MYRIP: variants seen among roughly 807,000 people sequenced by gnomAD.
MYRIP encodes the protein rab effector MyRIP.
MYRIP carries 49 observed loss-of-function variants against 98.0 expected under a neutral mutation model. The ratio of observed to expected loss-of-function variants is 0.50; its 90% CI spans 0.40 to 0.63. The LOEUF is 0.63. Ranked by LOEUF, MYRIP falls within the 30% of genes least tolerant of loss-of-function variation. The probability of loss-of-function intolerance (pLI) is 0.00; values close to 1 mark genes in which losing one functional copy is unlikely to be tolerated. For missense variants in MYRIP, 1,004 were observed against 1,058.2 expected (o/e 0.95, Z 0.71); for synonymous variants, 404 against 409.5 (o/e 0.99, Z 0.16).
chr3:40,028,408 T>C (rs1039800105), intron 2 of MYRIP, among the ~76,000 whole-genome samples: 1 of 152,214 alleles, frequency 6.6e-6, no homozygotes, highest in African/African-American at 2.4e-5. Flanking sequence ...TGAGCATTAT[T>C]GCCCAGACGC....
intron 5 of MYRIP, among the ~76,000 whole-genome samples, chr3:40,164,356 G>A (rs1188509025): frequency 3.3e-5 from 5 of 152,078 alleles, no homozygotes; most frequent in African/African-American, 9.7e-5. Flanking sequence ...TCCTTTCAGG[G>A]GACTGGCAAG....
intron 2 of MYRIP, among the ~76,000 whole-genome samples, chr3:39,947,252 A>C (rs1944923763): frequency 6.6e-6 from 1 of 152,138 alleles, no homozygotes; most frequent in Non-Finnish European, 1.5e-5. Context: ...TTGGGAAATG[A>C]AAAGAGTAAT....
chr3:40,094,150 C>T (rs971741504), intron 3 of MYRIP, among the ~76,000 whole-genome samples: 4 of 152,246 alleles, frequency 2.6e-5, no homozygotes, highest in Admixed American at 1.3e-4. Flanking sequence ...TTATGTCCAT[C>T]TGGTGATGTT....
intron 2 of MYRIP, among the ~76,000 whole-genome samples, chr3:39,988,185 A>T (rs549218211): frequency 2.3e-4 from 35 of 152,276 alleles, no homozygotes; most frequent in Admixed American, 1.1e-3. Flanking sequence ...GGGAAAGGAT[A>T]GCATTAGGAG....
intron 2 of MYRIP, among the ~76,000 whole-genome samples, chr3:39,995,976 A>G (rs1946341195): frequency 6.6e-6 from 1 of 152,212 alleles, no homozygotes; most frequent in Non-Finnish European, 1.5e-5. Flanking sequence ...ACAGACAAGC[A>G]AATGCTGAGA....
intron 2 of MYRIP, among the ~76,000 whole-genome samples, chr3:39,919,530 G>A (rs1468189767): frequency 6.6e-6 from 1 of 151,966 alleles, no homozygotes; most frequent in African/African-American, 2.4e-5. Context: ...CTTCTTTTTT[G>A]TCACCTCCTG....
chr3:40,079,108 A>T (rs376130582), intron 3 of MYRIP, among the ~76,000 whole-genome samples: 2 of 152,228 alleles, frequency 1.3e-5, no homozygotes, highest in South Asian at 2.1e-4. Context: ...AAGCTAGAAA[A>T]ATATGCTCCC....
intron 4 of MYRIP, among the ~76,000 whole-genome samples, chr3:40,151,531 CAGAG>C (rs993706226): frequency 1.3e-5 from 2 of 152,188 alleles, no homozygotes; most frequent in Non-Finnish European, 2.9e-5. Flanking sequence ...CCCTTGGCTA[CAGAG>C]AGAGTACATC....
At chr3:39,914,592 C>T (rs2125683963) in intron 2 of MYRIP, among the ~76,000 whole-genome samples, 1 of 152,002 alleles carries the variant, frequency 6.6e-6, no homozygotes, top group South Asian at 2.1e-4. Flanking sequence ...TATCAGTGAC[C>T]TAAAGAACAT....
intron 11 of MYRIP, among the ~76,000 whole-genome samples, chr3:40,216,424 A>G (rs1188825065): frequency 6.6e-6 from 1 of 152,178 alleles, no homozygotes; most frequent in Non-Finnish European, 1.5e-5. Context: ...CTTGGAAAAC[A>G]TCTCTGGGTA....
At chr3:39,882,864 C>T (rs558564692) in intron 1 of MYRIP, among the ~76,000 whole-genome samples, 2 of 152,042 alleles carry the variant, frequency 1.3e-5, no homozygotes, top group Non-Finnish European at 2.9e-5. Context: ...ACCTGCCCCC[C>T]CTCCGCATTA....
intron 3 of MYRIP, among the ~76,000 whole-genome samples, chr3:40,119,923 AAAATAAAT>A (rs541090121): frequency 7.2e-5 from 11 of 151,810 alleles, no homozygotes; most frequent in South Asian, 2.1e-4. Context: ...TAATAATAAT[AAAATAAAT>A]AAATAAATAA....
Position 39,975,738 on chromosome 3 carries a change from A to C in MYRIP, c.111-68312A>C, listed in dbSNP as rs189865021. Among the ~76,000 whole-genome samples, 7 of 152,332 alleles carry C rather than the reference A, an allele frequency of 4.6e-5. No homozygotes were observed. The East Asian group carries it at 9.6e-4, about 21-fold the overall frequency. On this transcript the variant is annotated intron_variant, in intron 2 of 16. Transcript: ENST00000302541. ...GGAACAGAACAGAGCCCTCAGAAAT[A>C]ATGCCACAAAGCTACAACCATCTGA...
At chr3:39,881,235 TGTTA>T (rs1943149834) in intron 1 of MYRIP, among the ~76,000 whole-genome samples, 1 of 70,544 alleles carries the variant, frequency 1.4e-5, no homozygotes, top group South Asian at 4.9e-4. Flanking sequence ...TTATCCTGTT[TGTTA>T]GTTTTGTTCT....
chr3:40,163,617 C>T lies in MYRIP; in HGVS notation c.550+807C>T, dbSNP rs531223636. On this transcript the variant is annotated intron_variant, in intron 5 of 16. Coordinates refer to ENST00000302541, the MANE Select transcript of MYRIP (RefSeq NM_015460.4). ...TCTGGAGCTGGGACATCCATCTTCA[C>T]CTGCCCTCAGACATCAGAGCTTCTG... Among the ~76,000 whole-genome samples, 9 of 152,282 alleles carry T rather than the reference C, an allele frequency of 5.9e-5. No homozygotes were observed. The East Asian group carries it at 1.7e-3, about 29-fold the overall frequency.
chr3:40,180,264 T>A (rs1318344878), intron 8 of MYRIP, among the ~76,000 whole-genome samples: 3 of 152,164 alleles, frequency 2.0e-5, no homozygotes, highest in African/African-American at 7.2e-5. Context: ...CATAATTTTG[T>A]GTAAGAAATT....
intron 1 of MYRIP, among the ~76,000 whole-genome samples, chr3:39,881,923 A>G (rs1287716669): frequency 6.6e-6 from 1 of 151,374 alleles, no homozygotes; most frequent in Admixed American, 6.6e-5. Context: ...TTCGTCCCTG[A>G]GCATTTTTTT....
chr3:39,881,190 T>G (rs1440444882), intron 1 of MYRIP, among the ~76,000 whole-genome samples: 1 of 152,126 alleles, frequency 6.6e-6, no homozygotes, highest in Non-Finnish European at 1.5e-5. Context: ...GTTTTAGGTT[T>G]TCTTCAACTC....
chr3:39,848,333 A>T (rs1273187893), intron 1 of MYRIP, among the ~76,000 whole-genome samples: 4 of 152,226 alleles, frequency 2.6e-5, no homozygotes, highest in African/African-American at 7.2e-5. Flanking sequence ...TTATTTTTTT[A>T]AAATAAACCA....
Sources: allele counts gnomAD v4.1 joint callset (sites outside exome capture counted in the v4.1 genomes callset), GRCh38; gene constraint gnomAD v4.1.1; transcripts MANE v1.5; gene names NCBI Gene and HGNC (gene_info 2026-07-23, HGNC 2026-07-21).